Variants in RHOJ observed in about 807,000 individuals in gnomAD.
RHOJ encodes the protein rho-related GTP-binding protein RhoJ.
Under a neutral mutation model 23.4 loss-of-function variants are expected in RHOJ, and 11 were observed. That is an observed-to-expected ratio of 0.47 (90% CI 0.30 to 0.78). RHOJ has a LOEUF of 0.78. RHOJ is among the 30% of genes least tolerant of loss of function. RHOJ has a pLI of 0.08. For synonymous variants in RHOJ, 102 were observed against 102.7 expected (o/e 0.99, Z 0.04); for missense variants, 254 against 273.4 (o/e 0.93, Z 0.50).
chr14:63,210,902 A>G (rs1455292393), intron 1 of RHOJ, among the ~76,000 whole-genome samples: 1 of 151,990 alleles, frequency 6.6e-6, no homozygotes, highest in Non-Finnish European at 1.5e-5. Flanking sequence ...TTCTTCTATC[A>G]CCCACCCTCC....
At chr14:63,277,919 G>A (rs941839253) in intron 2 of RHOJ, among the ~76,000 whole-genome samples, 1 of 150,902 alleles carries the variant, frequency 6.6e-6, no homozygotes, top group Admixed American at 6.6e-5. Context: ...AGAGGGTAGT[G>A]CCAAGAATTT....
At chr14:63,253,290 G>T (rs1566619638) in intron 1 of RHOJ, among the ~76,000 whole-genome samples, 2 of 151,952 alleles carry the variant, frequency 1.3e-5, no homozygotes, top group South Asian at 4.2e-4. Flanking sequence ...TTTTTTAGAG[G>T]CAGGGTCTTA....
intron 1 of RHOJ, among the ~76,000 whole-genome samples, chr14:63,217,994 CT>C (rs1267924903): frequency 1.1e-4 from 16 of 151,844 alleles, no homozygotes; most frequent in Admixed American, 1.0e-3. Context: ...CTTTTTTCCC[CT>C]GGGTATGCAA....
intron 1 of RHOJ, among the ~76,000 whole-genome samples, chr14:63,249,782 A>G (rs1011921640): frequency 1.3e-5 from 2 of 152,194 alleles, no homozygotes; most frequent in African/African-American, 4.8e-5. Flanking sequence ...AAATATGAAT[A>G]CCTAGGTCTC....
intron 4 of RHOJ, among the ~76,000 whole-genome samples, chr14:63,289,811 C>T (rs1424695074): frequency 1.3e-5 from 2 of 152,072 alleles, no homozygotes; most frequent in East Asian, 3.9e-4. Flanking sequence ...AATACCTTAT[C>T]ATTTAAATAT....
intron 1 of RHOJ, among the ~76,000 whole-genome samples, chr14:63,242,477 G>A (rs1271402741): frequency 6.6e-6 from 1 of 152,142 alleles, no homozygotes; most frequent in Non-Finnish European, 1.5e-5. Context: ...GTTGAGGAGG[G>A]AGGATCACTT....
intron 1 of RHOJ, among the ~76,000 whole-genome samples, chr14:63,213,656 A>AT (rs1894288650): frequency 6.6e-6 from 1 of 152,206 alleles, no homozygotes; most frequent in South Asian, 2.1e-4. Context: ...TATACCCAGT[A>AT]ATAGGATTGC....
At chr14:63,283,521 A>G (rs1881979120) in intron 4 of RHOJ, among the ~76,000 whole-genome samples, 1 of 152,216 alleles carries the variant, frequency 6.6e-6, no homozygotes, top group Admixed American at 6.5e-5. Context: ...TAGTATGAAT[A>G]TAGGGAGTCG....
chr14:63,230,267 T>C (rs1408010824), intron 1 of RHOJ, among the ~76,000 whole-genome samples: 3 of 152,156 alleles, frequency 2.0e-5, no homozygotes, highest in Non-Finnish European at 4.4e-5. Flanking sequence ...CCACACCTAC[T>C]TCAGTAGTGG....
chr14:63,288,727 T>A (rs1232220256), intron 4 of RHOJ, among the ~76,000 whole-genome samples: 1 of 152,226 alleles, frequency 6.6e-6, no homozygotes, highest in Non-Finnish European at 1.5e-5. Flanking sequence ...CCAACATCGT[T>A]TTCTTTTGGT....
chr14:63,214,249 T>C (rs1423680397), intron 1 of RHOJ, among the ~76,000 whole-genome samples: 1 of 152,240 alleles, frequency 6.6e-6, no homozygotes, highest in Non-Finnish European at 1.5e-5. Context: ...TGAATATGAA[T>C]GTCAATAAGC....
chr14:63,286,470 TAGACAGGG>T (rs1882086014), intron 4 of RHOJ, among the ~76,000 whole-genome samples: 1 of 152,210 alleles, frequency 6.6e-6, no homozygotes, highest in South Asian at 2.1e-4. Context: ...CATAAAATTC[TAGACAGGG>T]AGACCAGGAC....
intron 1 of RHOJ, among the ~76,000 whole-genome samples, chr14:63,219,954 A>T (rs1458760262): frequency 6.6e-6 from 1 of 152,216 alleles, no homozygotes; most frequent in Non-Finnish European, 1.5e-5. Context: ...TGATAAGCCA[A>T]ATTTCACCGT....
chr14:63,284,124 C>T (rs1882002707), intron 4 of RHOJ: 2 of 663,990 alleles, frequency 3.0e-6, no homozygotes, highest in African/African-American at 3.9e-5. Flanking sequence ...AGAAGTCACT[C>T]TCTTCAAGCC....
chr14:63,282,286 G>GCACACA (rs36227581), intron 3 of RHOJ, among the ~76,000 whole-genome samples: 2,338 of 133,260 alleles, frequency 0.018, 51 homozygotes, highest in African/African-American at 0.047. Flanking sequence ...ACAAACACAT[G>GCACACA]CACACACACA....
At position 63,280,970 on chromosome 14, in the gene RHOJ, G is replaced by A; in HGVS notation, c.238-1G>A. ...CAAACCCTTGTCTGCTCTTCCCACAGGAGGACTACAACCAGCTGAGGCCAC... is the reference window on the plus strand; with the variant it reads ...CAAACCCTTGTCTGCTCTTCCCACAAGAGGACTACAACCAGCTGAGGCCAC... On this transcript the variant is annotated splice_acceptor_variant, in intron 2 of 4. Transcript: ENST00000316754. LOFTEE classifies it high-confidence loss of function. The A allele has an allele frequency of 6.2e-7, 1 of 1,611,368 alleles. No individual in the cohort carries two copies. The highest frequency in any genetic ancestry group is 8.5e-7 in the Non-Finnish European group (1 of 1,178,612).
At chr14:63,251,625 G>A (rs780549385) in intron 1 of RHOJ, among the ~76,000 whole-genome samples, 5 of 152,118 alleles carry the variant, frequency 3.3e-5, no homozygotes, top group Non-Finnish European at 7.3e-5. Context: ...CTCCACTGGG[G>A]GCATTCAAGC....
intron 1 of RHOJ, among the ~76,000 whole-genome samples, chr14:63,242,174 G>C (rs1343511806): frequency 6.6e-6 from 1 of 152,182 alleles, no homozygotes; most frequent in African/African-American, 2.4e-5. Context: ...AGAAAGAAAA[G>C]AATGATAGCT....
chr14:63,279,314 A>T (rs569052635), intron 2 of RHOJ, among the ~76,000 whole-genome samples: 1 of 152,388 alleles, frequency 6.6e-6, no homozygotes, highest in African/African-American at 2.4e-5. Context: ...GTGCACACAC[A>T]TCATATATAG....
Sources: allele counts gnomAD v4.1 joint callset (sites outside exome capture counted in the v4.1 genomes callset), GRCh38; gene constraint gnomAD v4.1.1; transcripts MANE v1.5; gene names NCBI Gene and HGNC (gene_info 2026-07-23, HGNC 2026-07-21).